Variants in SYN3 observed in about 807,000 individuals in gnomAD.
SYN3 encodes synapsin III.
Under a neutral mutation model 65.8 loss-of-function variants are expected in SYN3, and 35 were observed. The ratio of observed to expected loss-of-function variants is 0.53; its 90% CI spans 0.41 to 0.70. The LOEUF is 0.70. Among genes scored for constraint, SYN3 ranks in the 30% least tolerant of loss-of-function variants. The pLI, the probability that SYN3 is intolerant of heterozygous loss-of-function variation, is 0.00. For synonymous variants in SYN3, 270 were observed against 292.9 expected, an observed-to-expected ratio of 0.92 and a Z score of 0.80; for missense variants, 680 against 749.0, an observed-to-expected ratio of 0.91 and a Z score of 1.08.
Position 33,012,095 on chromosome 22 carries a change from T to C in SYN3, c.-162-5271A>G, listed in dbSNP as rs111798969. On this transcript the variant is annotated intron_variant, in intron 1 of 13. Transcript: ENST00000358763. The stretch of plus-strand genomic sequence containing the variant: ...CCTTACTTTTGGTTTAAGTTTAATT[T>C]GCTATTCTGTTTTCTAGAGCCTTGA... Among the ~76,000 whole-genome samples, 770 of 152,326 alleles carry C rather than the reference T, an allele frequency of 5.1e-3. 4 individuals are homozygous for C. The highest frequency in any genetic ancestry group is 8.5e-3 in the Non-Finnish European group (578 of 68,024).
At position 32,509,559 on chromosome 22, in the gene SYN3, G is replaced by GTATTAT. The variant is rs10554196; in HGVS notation, c.*4127_*4132dup. On this transcript the variant is annotated 3_prime_UTR_variant, in exon 14 of 14. Transcript: ENST00000358763. ...GTTCATACACAGACCAATGGGGAAAGTATTATTATTATTATTATTATTATT... is the reference window on the plus strand; with the variant it reads ...GTTCATACACAGACCAATGGGGAAAGTATTATTATTATTATTATTATTATTATTATT... Among the ~76,000 whole-genome samples, 21 of 149,650 alleles carry GTATTAT rather than the reference G, an allele frequency of 1.4e-4. No individual in the cohort carries two copies. Among genetic ancestry groups the GTATTAT allele is most frequent in the South Asian group, 4.2e-4 (2 of 4,708 alleles).
At chr22:32,940,995 C>A (rs1383688948) in intron 3 of SYN3, among the ~76,000 whole-genome samples, 1 of 152,210 alleles carries the variant, frequency 6.6e-6, no homozygotes, top group Non-Finnish European at 1.5e-5. Flanking sequence ...GTTTCCCTAG[C>A]AATATGATTG....
intron 6 of SYN3, among the ~76,000 whole-genome samples, chr22:32,677,330 T>C (rs1178176823): frequency 1.3e-5 from 2 of 152,176 alleles, no homozygotes; most frequent in Non-Finnish European, 2.9e-5. Context: ...AATGCGCTAG[T>C]ATGTAACACA....
At chr22:32,662,404 T>G (rs1021283572) in intron 6 of SYN3, among the ~76,000 whole-genome samples, 3 of 152,214 alleles carry the variant, frequency 2.0e-5, no homozygotes, top group African/African-American at 7.2e-5. Context: ...TTTCTTGGAT[T>G]CCCCAGATGG....
intron 4 of SYN3, among the ~76,000 whole-genome samples, chr22:32,878,128 A>G (rs775651971): frequency 6.6e-6 from 1 of 152,146 alleles, no homozygotes; most frequent in African/African-American, 2.4e-5. Context: ...ATCACCGTGC[A>G]ACCAGAACCT....
chr22:32,669,524 G>A (rs997013009), intron 6 of SYN3, among the ~76,000 whole-genome samples: 4 of 152,166 alleles, frequency 2.6e-5, no homozygotes, highest in Admixed American at 1.3e-4. Context: ...AAAAGAGAAC[G>A]GCTGTCATTT....
At chr22:32,875,925 T>A (rs1276568288) in intron 4 of SYN3, among the ~76,000 whole-genome samples, 1 of 152,182 alleles carries the variant, frequency 6.6e-6, no homozygotes, top group Non-Finnish European at 1.5e-5. Flanking sequence ...ACTAACACAC[T>A]GCACGTGCCC....
At chr22:32,572,379 CATCT>C (rs1569051457) in intron 7 of SYN3, among the ~76,000 whole-genome samples, 24 of 97,024 alleles carry the variant, frequency 2.5e-4, no homozygotes, top group South Asian at 4.3e-4. Flanking sequence ...CCCTCCCTCC[CATCT>C]TTCCTTCCTT....
intron 6 of SYN3, among the ~76,000 whole-genome samples, chr22:32,780,403 C>T (rs972544387): frequency 1.3e-5 from 2 of 152,124 alleles, no homozygotes; most frequent in African/African-American, 4.8e-5. Context: ...ACTCTAAAAC[C>T]AGAGGGCCTC....
intron 2 of SYN3, among the ~76,000 whole-genome samples, chr22:33,002,203 T>G (rs1222252051): frequency 6.6e-6 from 1 of 152,156 alleles, no homozygotes; most frequent in African/African-American, 2.4e-5. Flanking sequence ...CCTAAGATGA[T>G]TCACACTGGA....
At chr22:32,924,061 C>G (rs2050405336) in intron 4 of SYN3, among the ~76,000 whole-genome samples, 1 of 152,172 alleles carries the variant, frequency 6.6e-6, no homozygotes, top group African/African-American at 2.4e-5. Context: ...TGTATATGTA[C>G]CACATTTTCT....
chr22:32,851,285 C>T (rs926882733), intron 6 of SYN3, among the ~76,000 whole-genome samples: 46 of 152,162 alleles, frequency 3.0e-4, no homozygotes, highest in African/African-American at 1.1e-3. Context: ...CAGCAGAGAG[C>T]TGAGAGGGAA....
At chr22:32,755,419 C>T (rs1288859239) in intron 6 of SYN3, among the ~76,000 whole-genome samples, 1 of 152,180 alleles carries the variant, frequency 6.6e-6, no homozygotes, top group Non-Finnish European at 1.5e-5. Flanking sequence ...CGTTACATGG[C>T]AAGATCACCT....
intron 6 of SYN3, among the ~76,000 whole-genome samples, chr22:32,826,017 T>G (rs2047401170): frequency 6.6e-6 from 1 of 152,252 alleles, no homozygotes; most frequent in African/African-American, 2.4e-5. Flanking sequence ...AAAGCATAGT[T>G]ATAACTGGAC....
intron 4 of SYN3, among the ~76,000 whole-genome samples, chr22:32,921,935 C>T (rs2050344779): frequency 6.6e-6 from 1 of 152,180 alleles, no homozygotes; most frequent in African/African-American, 2.4e-5. Context: ...AGCCTGCAGC[C>T]TGCTCCAGAA....
intron 6 of SYN3, among the ~76,000 whole-genome samples, chr22:32,854,831 GTCCA>G (rs1182347568): frequency 2.6e-5 from 4 of 152,198 alleles, no homozygotes; most frequent in Non-Finnish European, 5.9e-5. Flanking sequence ...GACCATCTGA[GTCCA>G]TCAGAACAAT....
chr22:32,590,516 A>G (rs1035193718), intron 7 of SYN3, among the ~76,000 whole-genome samples: 3 of 152,244 alleles, frequency 2.0e-5, no homozygotes, highest in Admixed American at 6.5e-5. Flanking sequence ...TTGGTCACAC[A>G]TGCATGTATT....
At chr22:32,743,138 G>T (rs1296244952) in intron 6 of SYN3, among the ~76,000 whole-genome samples, 8 of 152,164 alleles carry the variant, frequency 5.3e-5, no homozygotes, top group Non-Finnish European at 8.8e-5. Context: ...TTTAACACTA[G>T]CTATTTCAGT....
intron 12 of SYN3, 37 bp downstream of exon 12, chr22:32,527,881 T>C (rs755160645): frequency 9.3e-5 from 144 of 1,553,178 alleles, no homozygotes; most frequent in Non-Finnish European, 1.1e-4. Flanking sequence ...GCACCCTCAC[T>C]GCATGCTTTC....
Sources: allele counts gnomAD v4.1 joint callset (sites outside exome capture counted in the v4.1 genomes callset), GRCh38; gene constraint gnomAD v4.1.1; transcripts MANE v1.5; gene names NCBI Gene and HGNC (gene_info 2026-07-23, HGNC 2026-07-21).